Variants in FAM210A observed in about 807,000 individuals in gnomAD.
FAM210A encodes family with sequence similarity 210 member A.
FAM210A carries 13 observed loss-of-function variants against 25.3 expected under a neutral mutation model. The observed-to-expected ratio is 0.51, with a 90% CI of 0.33 to 0.82. The LOEUF is 0.82. Among genes scored for constraint, FAM210A ranks in the 40% least tolerant of loss-of-function variants. The probability of loss-of-function intolerance (pLI) is 0.02; values close to 1 mark genes in which losing one functional copy is unlikely to be tolerated. For missense variants in FAM210A, 319 were observed against 323.2 expected (o/e 0.99, Z 0.10); for synonymous variants, 125 against 118.7 (o/e 1.05, Z -0.35).
intron 1 of FAM210A, among the ~76,000 whole-genome samples, chr18:13,698,401 A>G (rs1487619871): frequency 1.3e-5 from 2 of 151,888 alleles, no homozygotes; most frequent in Non-Finnish European, 2.9e-5. Flanking sequence ...AAGAATATCT[A>G]AATATCCTAG....
intron 1 of FAM210A, among the ~76,000 whole-genome samples, chr18:13,724,663 A>G (rs1225286888): frequency 1.3e-5 from 2 of 152,256 alleles, no homozygotes; most frequent in African/African-American, 4.8e-5. Flanking sequence ...GAATTTACAC[A>G]ACTTCTAGTT....
chr18:13,672,843 T>C (rs1342297113), intron 2 of FAM210A, among the ~76,000 whole-genome samples: 1 of 152,224 alleles, frequency 6.6e-6, no homozygotes, highest in Non-Finnish European at 1.5e-5. Flanking sequence ...AAAAGGATGC[T>C]TCTATTCTAT....
In FAM210A at chr18:13,666,663, A is replaced by T; in HGVS notation, c.636T>A (p.Thr212=). 6.2e-7 allele frequency: 1 copy of T among 1,614,192 alleles called. No homozygotes were observed. Among genetic ancestry groups the T allele is most frequent in the Non-Finnish European group, 8.5e-7 (1 of 1,180,036 alleles). ...YTVTLGGTSV[T]VKYLRSHGYM... ...AGCCATGACTGCGCAGATACTTCAC[A>T]GTGACAGATGTTCCTCCCAAAGTCA... Residue 212 remains threonine, a synonymous_variant, in exon 4 of 4, where the codon ACT becomes ACA. Transcript: ENST00000651643.
chr18:13,675,392 G>A (rs1601942777), intron 2 of FAM210A, among the ~76,000 whole-genome samples: 1 of 113,270 alleles, frequency 8.8e-6, no homozygotes, highest in Non-Finnish European at 1.9e-5. Flanking sequence ...CCTGAGCCCC[G>A]ACTTCATTTC....
At chr18:13,669,578 C>G (rs757541289) in intron 3 of FAM210A, among the ~76,000 whole-genome samples, 2 of 152,110 alleles carry the variant, frequency 1.3e-5, no homozygotes, top group Non-Finnish European at 2.9e-5. Context: ...CAAATCCATA[C>G]CCCCATCCCT....
chr18:13,667,841 G>A (rs1400123201), intron 3 of FAM210A, among the ~76,000 whole-genome samples: 1 of 152,080 alleles, frequency 6.6e-6, no homozygotes, highest in East Asian at 1.9e-4. Context: ...GACTAGTCTG[G>A]GCAACATAAT....
At chr18:13,724,952 T>G (rs2043925107) in intron 1 of FAM210A, among the ~76,000 whole-genome samples, 1 of 152,168 alleles carries the variant, frequency 6.6e-6, no homozygotes. Context: ...TTTTGTATTT[T>G]TAGTAGAGAC....
At chr18:13,674,410 T>C (rs113294496) in intron 2 of FAM210A, among the ~76,000 whole-genome samples, 1 of 6,880 alleles carries the variant, frequency 1.5e-4, no homozygotes. Flanking sequence ...GCCCCGACTT[T>C]ATTTCCAGTT....
chr18:13,723,679 CCATCATAG>C (rs1808587015), intron 1 of FAM210A, among the ~76,000 whole-genome samples: 1 of 152,160 alleles, frequency 6.6e-6, no homozygotes, highest in Non-Finnish European at 1.5e-5. Flanking sequence ...CTTCAGAATA[CCATCATAG>C]CATCAACCAA....
At position 13,705,308 on chromosome 18, in the gene FAM210A, C is replaced by T. The variant is rs143421375; in HGVS notation, c.-29+21021G>A. Among the ~76,000 whole-genome samples the T allele has an allele frequency of 1.4e-3, 212 of 152,260 alleles. 1 individual carries two copies. The highest frequency in any genetic ancestry group is 3.5e-3 in the Admixed American group (54 of 15,300). Reference sequence around the variant, plus strand: ...GGCATTCAAGAGGACATAAGTCTAACGTTAATTAAGCATGGACACATGGAG... The same window carrying T: ...GGCATTCAAGAGGACATAAGTCTAATGTTAATTAAGCATGGACACATGGAG... On this transcript the variant is annotated intron_variant, in intron 1 of 3. Coordinates refer to ENST00000651643, the MANE Select transcript of FAM210A (RefSeq NM_152352.4).
At chr18:13,724,834 C>T (rs2043922209) in intron 1 of FAM210A, among the ~76,000 whole-genome samples, 2 of 152,286 alleles carry the variant, frequency 1.3e-5, no homozygotes, top group South Asian at 2.1e-4. Context: ...AGTGCAACGG[C>T]GCAATCTCGG....
intron 1 of FAM210A, among the ~76,000 whole-genome samples, chr18:13,704,797 T>G (rs907484473): frequency 6.6e-6 from 1 of 152,214 alleles, no homozygotes; most frequent in Non-Finnish European, 1.5e-5. Flanking sequence ...GTATATGCTA[T>G]CCATAATTAC....
chr18:13,693,030 C>A (rs8085268), intron 1 of FAM210A, among the ~76,000 whole-genome samples: 151,953 of 152,314 alleles, frequency 1, 75,796 homozygotes, highest in Middle Eastern at 1. Context: ...AAGAGAGAAG[C>A]ATCAAATAGA....
chr18:13,704,655 AT>A (rs2149066404), intron 1 of FAM210A, among the ~76,000 whole-genome samples: 1 of 152,324 alleles, frequency 6.6e-6, no homozygotes, highest in South Asian at 2.1e-4. Flanking sequence ...GCACAGGATT[AT>A]TTGACATGTT....
intron 1 of FAM210A, chr18:13,714,967 A>G (rs932639761): frequency 1.3e-5 from 2 of 152,130 alleles, no homozygotes; most frequent in Admixed American, 1.3e-4. Flanking sequence ...AATTCCTAGG[A>G]GTAGTATTAC....
intron 1 of FAM210A, among the ~76,000 whole-genome samples, chr18:13,721,972 C>T (rs1201598050): frequency 2.6e-5 from 4 of 152,134 alleles, no homozygotes; most frequent in African/African-American, 9.7e-5. Context: ...GCAATGGGGT[C>T]CTTCCTCAAA....
intron 1 of FAM210A, among the ~76,000 whole-genome samples, chr18:13,708,542 C>T (rs184646251): frequency 3.6e-4 from 55 of 152,246 alleles, no homozygotes; most frequent in African/African-American, 1.2e-3. Flanking sequence ...TAACCTGTTA[C>T]GGGGATTGTT....
In FAM210A at chr18:13,719,913, C is replaced by A. The variant is rs115752806; in HGVS notation, c.-29+6416G>T. Among the ~76,000 whole-genome samples the A allele has an allele frequency of 7.9e-3, 1,200 of 152,216 alleles. 20 individuals carry two copies. Among genetic ancestry groups the A allele is most frequent in the African/African-American group, 0.028 (1,157 of 41,532 alleles). On this transcript the variant is annotated intron_variant, in intron 1 of 3. Transcript: ENST00000651643. ...TATCATCTCATTTATTCTATAAAAT[C>A]GCTCCATGAGGAAATCAAAACACAA...
chr18:13,721,242 T>G (rs1016232340), intron 1 of FAM210A, among the ~76,000 whole-genome samples: 1 of 152,200 alleles, frequency 6.6e-6, no homozygotes, highest in African/African-American at 2.4e-5. Flanking sequence ...GAAAGAAAAC[T>G]GCTTTTGGTG....
Sources: gnomAD v4.1 joint callset for allele counts (sites outside exome capture counted in the v4.1 genomes callset) on GRCh38, gnomAD v4.1.1 for gene constraint, MANE v1.5 for transcripts, NCBI Gene and HGNC (gene_info 2026-07-23, HGNC 2026-07-21) for gene names.